USO1: variants seen among roughly 807,000 people sequenced by gnomAD.
The protein encoded by USO1 is general vesicular transport factor p115.
In USO1, 57 loss-of-function variants were observed where a neutral mutation model predicts 124.5. That is an observed-to-expected ratio of 0.46 (90% CI 0.37 to 0.57). The LOEUF (loss-of-function observed/expected upper bound fraction) is 0.57. Among genes scored for constraint, USO1 ranks in the 20% least tolerant of loss-of-function variants. USO1 has a pLI of 0.00. For synonymous variants in USO1, 369 were observed against 362.8 expected (o/e 1.02, Z -0.19); for missense variants, 900 against 1,040.6 (o/e 0.86, Z 1.86).
At chr4:75,741,948 G>A (rs1022500232) in intron 1 of USO1, among the ~76,000 whole-genome samples, 1 of 151,988 alleles carries the variant, frequency 6.6e-6, no homozygotes, top group African/African-American at 2.4e-5. Context: ...GCCTACACAG[G>A]GCAGGGTCAT....
At chr4:75,738,110 G>A (rs1291958573) in intron 1 of USO1, among the ~76,000 whole-genome samples, 1 of 151,516 alleles carries the variant, frequency 6.6e-6, no homozygotes, top group Non-Finnish European at 1.5e-5. Flanking sequence ...TGGGATTATA[G>A]GTATGAGTCA....
At chr4:75,765,675 T>G (rs1721751416) in intron 4 of USO1, among the ~76,000 whole-genome samples, 1 of 150,700 alleles carries the variant, frequency 6.6e-6, no homozygotes, top group Non-Finnish European at 1.5e-5. Flanking sequence ...TAAGTTCACC[T>G]TTGAGCTTTG....
intron 4 of USO1, 34 bp from the exon 5 acceptor site, chr4:75,770,405 T>C (rs1721887075): frequency 2.7e-6 from 4 of 1,492,584 alleles, no homozygotes; most frequent in Middle Eastern, 1.8e-4. Context: ...TAACCTACTA[T>C]TAAATTGAAA....
chr4:75,730,387 A>G (rs1314130862), intron 1 of USO1, among the ~76,000 whole-genome samples: 2 of 152,186 alleles, frequency 1.3e-5, no homozygotes, highest in Non-Finnish European at 2.9e-5. Context: ...GCACTGTGTT[A>G]TAGTTTCAGA....
intron 1 of USO1, among the ~76,000 whole-genome samples, chr4:75,727,612 T>C (rs1291294323): frequency 1.3e-5 from 2 of 152,212 alleles, no homozygotes; most frequent in African/African-American, 4.8e-5. Flanking sequence ...TATACAATTT[T>C]AGATGTTTTA....
At chr4:75,778,236 A>G (rs376050618) in intron 8 of USO1, among the ~76,000 whole-genome samples, 49 of 152,334 alleles carry the variant, frequency 3.2e-4, no homozygotes, top group African/African-American at 1.1e-3. Context: ...AAGCCTTACC[A>G]ATAACATAAG....
chr4:75,753,398 GT>G (rs1357251961), intron 3 of USO1, among the ~76,000 whole-genome samples: 7 of 152,048 alleles, frequency 4.6e-5, no homozygotes, highest in Non-Finnish European at 1.0e-4. Flanking sequence ...GCCAGGCCTG[GT>G]GGTGCATGCC....
intron 15 of USO1, 49 bp downstream of exon 15, chr4:75,800,518 CTT>C (rs35563762): frequency 9.3e-3 from 12,458 of 1,346,574 alleles, no homozygotes; most frequent in South Asian, 0.028. Flanking sequence ...GATAATGATG[CTT>C]TTTTTTTTTT....
intron 10 of USO1, among the ~76,000 whole-genome samples, chr4:75,788,452 G>T (rs1428289918): frequency 1.3e-5 from 2 of 151,838 alleles, no homozygotes; most frequent in African/African-American, 4.8e-5. Context: ...ACAGACAGGA[G>T]CCAATGCTCC....
At chr4:75,757,972 A>C (rs976269993) in intron 4 of USO1, among the ~76,000 whole-genome samples, 1 of 152,136 alleles carries the variant, frequency 6.6e-6, no homozygotes, top group South Asian at 2.1e-4. Flanking sequence ...AACTTTTTAC[A>C]TAGGACTTAT....
chr4:75,809,546 A>G (rs1396820508), intron 21 of USO1, among the ~76,000 whole-genome samples: 1 of 152,218 alleles, frequency 6.6e-6, no homozygotes, highest in Non-Finnish European at 1.5e-5. Flanking sequence ...CCTCAGTAAA[A>G]TATCCAAATT....
chr4:75,774,830 T>A, intron 8 of USO1, 34 bp downstream of exon 8: 1 of 1,602,300 alleles, frequency 6.2e-7, no homozygotes, highest in South Asian at 1.1e-5. Context: ...AAGACATTCC[T>A]TTTGTACTCA....
At chr4:75,756,281 A>T (rs1288843499) in intron 3 of USO1, among the ~76,000 whole-genome samples, 1 of 152,002 alleles carries the variant, frequency 6.6e-6, no homozygotes, top group Non-Finnish European at 1.5e-5. Context: ...GGAGAGAAGG[A>T]GCCGTGAGCC....
intron 8 of USO1, among the ~76,000 whole-genome samples, chr4:75,781,563 C>T (rs1722221794): frequency 6.6e-6 from 1 of 152,112 alleles, no homozygotes; most frequent in African/African-American, 2.4e-5. Flanking sequence ...CTATTGCACA[C>T]TTAATAAATT....
At chr4:75,731,130 G>A in intron 1 of USO1, among the ~76,000 whole-genome samples, 1 of 152,178 alleles carries the variant, frequency 6.6e-6, no homozygotes, top group Non-Finnish European at 1.5e-5. Flanking sequence ...CATTGGATTT[G>A]TCTACAAAGA....
chr4:75,760,323 C>T (rs1721569213), intron 4 of USO1, among the ~76,000 whole-genome samples: 1 of 152,210 alleles, frequency 6.6e-6, no homozygotes, highest in Admixed American at 6.5e-5. Context: ...TCTTAGCTGA[C>T]ACAATGAACT....
intron 1 of USO1, among the ~76,000 whole-genome samples, chr4:75,736,807 G>A (rs1199271852): frequency 6.6e-6 from 1 of 152,142 alleles, no homozygotes; most frequent in Admixed American, 6.5e-5. Flanking sequence ...GCATAATATA[G>A]ATTAGTCAAA....
Position 75,790,809 on chromosome 4 carries a change from A to G in USO1, c.1240+12A>G, listed in dbSNP as rs555307054. 1.9e-6 allele frequency: 3 copies of G among 1,552,212 alleles called. No individual in the cohort carries two copies. Among genetic ancestry groups the G allele is most frequent in the Non-Finnish European group, 2.6e-6 (3 of 1,153,472 alleles). ...TTCTACCATTGATGGTAAATAATTT[A>G]GTTCTAATTTTTATTTGAAAAAGTA... On this transcript the variant is annotated intron_variant, in intron 12 of 23. Transcript: ENST00000514213.
chr4:75,738,433 G>C (rs1021338928), intron 1 of USO1, among the ~76,000 whole-genome samples: 3 of 151,856 alleles, frequency 2.0e-5, no homozygotes, highest in Non-Finnish European at 1.5e-5. Flanking sequence ...CTCCAGCCTG[G>C]ATGACAGAGT....
Sources: allele counts gnomAD v4.1 joint callset (sites outside exome capture counted in the v4.1 genomes callset), GRCh38; gene constraint gnomAD v4.1.1; transcripts MANE v1.5; gene names NCBI Gene and HGNC (gene_info 2026-07-23, HGNC 2026-07-21).